The following MINDY4B variants were observed in gnomAD, a reference collection of about 807,000 sequenced individuals.
MINDY4B encodes inactive ubiquitin carboxyl-terminal hydrolase MINDY-4B.
MINDY4B carries 25 observed loss-of-function variants against 16.7 expected under a neutral mutation model. The observed-to-expected ratio is 1.49, with a 90% CI of 1.09 to 2.09. MINDY4B has a LOEUF of 2.09. Among genes scored for constraint, MINDY4B ranks in the 30% most tolerant of loss-of-function variants. MINDY4B has a pLI of 0.00. For missense variants in MINDY4B, 327 were observed against 168.4 expected, an observed-to-expected ratio of 1.94 and a Z score of -5.21; for synonymous variants, 132 against 61.9, an observed-to-expected ratio of 2.13 and a Z score of -5.32.
chr3:150,871,363 G>T (rs751165904), intron 11 of MINDY4B, among the ~76,000 whole-genome samples, 176 bp from the exon 12 acceptor site: 2 of 152,142 alleles, frequency 1.3e-5, no homozygotes, highest in Non-Finnish European at 2.9e-5. Context: ...GCCCCATACA[G>T]AATGAGTCAG....
chr3:150,894,259 T>C lies in MINDY4B; in HGVS notation c.356A>G (p.Tyr119Cys). 1 of 702,046 alleles carries C rather than the reference T, an allele frequency of 1.4e-6. No homozygotes were observed. Among genetic ancestry groups the C allele is most frequent in the Non-Finnish European group, 2.6e-6 (1 of 384,662 alleles). The allele number at this position is 702,046 out of a possible 1,614,324, so 43.5% of individuals were successfully genotyped here. ...CCTGAAATAGGCCTTTTTCCAGTTATAGCTAAAGACATGGACTGTGTTTCC... is the reference window on the plus strand; with the variant it reads ...CCTGAAATAGGCCTTTTTCCAGTTACAGCTAAAGACATGGACTGTGTTTCC... Reference protein sequence around the residue: ...LFGNTVHVFSYNWKKAYFRFH... With the variant: ...LFGNTVHVFSCNWKKAYFRFH... The change falls in exon 4 of 12, where the codon TAT becomes TGT. Residue 119 changes from tyrosine to cysteine, a missense_variant. Physicochemically the swap from Tyr to Cys is radical, Grantham distance 194. Transcript: ENST00000465419.
chr3:150,894,393 G>T (rs1355331716), intron 3 of MINDY4B, 88 bp from the exon 4 acceptor site: 1 of 595,732 alleles, frequency 1.7e-6, no homozygotes, highest in Non-Finnish European at 3.0e-6. Flanking sequence ...CCTCAAGGAG[G>T]TGGGCCTCGT....
intron 10 of MINDY4B, among the ~76,000 whole-genome samples, chr3:150,875,112 G>T (rs1026864160): frequency 6.6e-6 from 1 of 152,172 alleles, no homozygotes; most frequent in Non-Finnish European, 1.5e-5. Context: ...GGGCCAGTCT[G>T]CCCACTGGTT....
At chr3:150,896,751 A>G (rs556745275) in intron 3 of MINDY4B, among the ~76,000 whole-genome samples, 1 of 152,272 alleles carries the variant, frequency 6.6e-6, no homozygotes, top group Non-Finnish European at 1.5e-5. Flanking sequence ...TGTCTCAGCC[A>G]TGGATACCAG....
intron 11 of MINDY4B, among the ~76,000 whole-genome samples, chr3:150,871,868 A>T (rs934135291): frequency 6.6e-6 from 1 of 152,024 alleles, no homozygotes; most frequent in African/African-American, 2.4e-5. Flanking sequence ...AACCGACCCC[A>T]CTTCTCCATG....
intron 10 of MINDY4B, among the ~76,000 whole-genome samples, chr3:150,879,783 G>T (rs1711505957): frequency 6.6e-6 from 1 of 152,136 alleles, no homozygotes; most frequent in African/African-American, 2.4e-5. Context: ...ATTGATAGTT[G>T]TAAAAGATCT....
chr3:150,882,170 A>G (rs1220796147), intron 10 of MINDY4B, among the ~76,000 whole-genome samples: 2 of 152,176 alleles, frequency 1.3e-5, no homozygotes, highest in Non-Finnish European at 2.9e-5. Flanking sequence ...GGGTTTTAGG[A>G]TGAAATTTTT....
At chr3:150,883,657 T>G in intron 9 of MINDY4B, 43 bp downstream of exon 9, 1 of 697,246 alleles carries the variant, frequency 1.4e-6, no homozygotes. Flanking sequence ...GGCATTCAAC[T>G]AATTCAGATT....
At position 150,885,400 on chromosome 3, in the gene MINDY4B, C is replaced by T. The variant is rs1034829772; in HGVS notation, c.792G>A (p.Leu264=). 2 of 702,588 alleles carry T rather than the reference C, an allele frequency of 2.8e-6. No homozygotes were observed. The highest frequency in any genetic ancestry group is 5.2e-6 in the Non-Finnish European group (2 of 384,838). The allele number at this position is 702,588 out of a possible 1,614,324, so 43.5% of individuals were successfully genotyped here. A position where few individuals can be genotyped will look rare whatever the true frequency, so the allele number is the denominator to read the frequency against. Residue 264 remains leucine, a synonymous_variant, in exon 8 of 12, where the codon CTG becomes CTA. Coordinates refer to ENST00000465419, the MANE Select transcript of MINDY4B (RefSeq NM_001351281.2). Reference sequence around the variant, plus strand: ...ATGTTCTAGAGAAGATCAGGCTGTACAGAAACAGGATGACACCATGGCTTC... The same window carrying T: ...ATGTTCTAGAGAAGATCAGGCTGTATAGAAACAGGATGACACCATGGCTTC... ...GEGSHGVILF[L]YSLIFSRTFE... is the part of the protein sequence containing the mutation.
intron 10 of MINDY4B, among the ~76,000 whole-genome samples, chr3:150,882,402 G>C (rs562361871): frequency 2.6e-4 from 39 of 151,958 alleles, no homozygotes; most frequent in African/African-American, 9.4e-4. Context: ...TTTTTTTCCA[G>C]TGGTTTTTTT....
intron 5 of MINDY4B, 143 bp from the exon 6 acceptor site, chr3:150,891,246 CT>C (rs1405916733): frequency 1.7e-6 from 1 of 604,902 alleles, no homozygotes; most frequent in Non-Finnish European, 3.0e-6. Flanking sequence ...TCCAAAGTTC[CT>C]GCCCTTGACT....
Position 150,897,108 on chromosome 3 carries a change from C to T in MINDY4B, c.310-2803G>A, listed in dbSNP as rs141185399. Among the ~76,000 whole-genome samples the T allele has an allele frequency of 3.1e-3, 470 of 152,206 alleles. 1 individual carries two copies. The highest frequency in any genetic ancestry group is 4.0e-3 in the Non-Finnish European group (271 of 68,014). ...AGGGGATCACTTTCTCACTAGGTAA[C>T]TCAAGGATATGTAACACGTTACTTA... On this transcript the variant is annotated intron_variant, in intron 3 of 11. Transcript: ENST00000465419.
chr3:150,893,472 A>C, intron 4 of MINDY4B, 57 bp from the exon 5 acceptor site: 1 of 702,020 alleles, frequency 1.4e-6, no homozygotes, highest in Admixed American at 2.0e-5. Flanking sequence ...AATGTTATCT[A>C]TTCTTCTCTG....
At chr3:150,880,697 C>G (rs1307154279) in intron 10 of MINDY4B, among the ~76,000 whole-genome samples, 2 of 152,164 alleles carry the variant, frequency 1.3e-5, no homozygotes, top group Non-Finnish European at 2.9e-5. Context: ...GTGAAATAAT[C>G]TTATGAAAGA....
chr3:150,879,466 G>A (rs1362290350), intron 10 of MINDY4B, among the ~76,000 whole-genome samples: 1 of 152,158 alleles, frequency 6.6e-6, no homozygotes, highest in Non-Finnish European at 1.5e-5. Flanking sequence ...AGGTTGAGAA[G>A]TCCTGCTCTG....
chr3:150,883,594 A>G, intron 9 of MINDY4B, 106 bp downstream of exon 9: 1 of 647,442 alleles, frequency 1.5e-6, no homozygotes, highest in South Asian at 1.7e-5. Flanking sequence ...TAATTAGAAA[A>G]CAATCCAAAA....
At chr3:150,897,040 C>G (rs1223086465) in intron 3 of MINDY4B, among the ~76,000 whole-genome samples, 1 of 152,116 alleles carries the variant, frequency 6.6e-6, no homozygotes, top group African/African-American at 2.4e-5. Context: ...TGTGTACTGC[C>G]CTTTACTGTA....
chr3:150,901,688 T>G (rs1290165659), intron 3 of MINDY4B, among the ~76,000 whole-genome samples: 1 of 151,862 alleles, frequency 6.6e-6, no homozygotes, highest in Non-Finnish European at 1.5e-5. Flanking sequence ...GCCTGGCTAA[T>G]TTTTGTACTT....
At chr3:150,886,017 T>G (rs2107901678) in intron 7 of MINDY4B, among the ~76,000 whole-genome samples, 1 of 152,356 alleles carries the variant, frequency 6.6e-6, no homozygotes, top group Non-Finnish European at 1.5e-5. Context: ...CCTTGGTTCT[T>G]GGAATATGCT....
Sources: allele counts gnomAD v4.1 joint callset (sites outside exome capture counted in the v4.1 genomes callset), GRCh38; gene constraint gnomAD v4.1.1; transcripts MANE v1.5; gene names NCBI Gene and HGNC (gene_info 2026-07-23, HGNC 2026-07-21).